The following SHMT1 variants were observed in gnomAD, a reference collection of about 807,000 sequenced individuals.
SHMT1 encodes the protein serine hydroxymethyltransferase 1, also known as serine hydroxymethyltransferase, cytosolic.
Under a neutral mutation model 49.0 loss-of-function variants are expected in SHMT1, and 45 were observed. The observed-to-expected ratio is 0.92, with a 90% CI of 0.72 to 1.18. The LOEUF is 1.18. SHMT1 is among the 50% of genes most tolerant of loss of function. The pLI is 0.00. For synonymous variants in SHMT1, 232 were observed against 246.6 expected (o/e 0.94, Z 0.55); for missense variants, 541 against 612.4 (o/e 0.88, Z 1.23).
intron 1 of SHMT1, among the ~76,000 whole-genome samples, chr17:18,360,040 G>C (rs1986613947): frequency 6.6e-6 from 1 of 152,098 alleles, no homozygotes; most frequent in Non-Finnish European, 1.5e-5. Context: ...CTGAGGTCAG[G>C]AGTTCGAGAC....
At chr17:18,347,394 A>G in intron 5 of SHMT1, 102 bp downstream of exon 5, 1 of 1,300,666 alleles carries the variant, frequency 7.7e-7, no homozygotes, top group Non-Finnish European at 1.1e-6. Flanking sequence ...CGAGGTGGGG[A>G]CTTCCTGTAG....
chr17:18,358,157 A>G (rs1986426974), intron 1 of SHMT1, among the ~76,000 whole-genome samples: 1 of 149,022 alleles, frequency 6.7e-6, no homozygotes, highest in Non-Finnish European at 1.5e-5. Flanking sequence ...TCTTAAAAAA[A>G]AAAAAAAAAG....
chr17:18,357,279 CAAAAAAAAAAA>C (rs10560620), intron 1 of SHMT1, among the ~76,000 whole-genome samples: 4 of 89,512 alleles, frequency 4.5e-5, no homozygotes, highest in East Asian at 6.3e-4. Context: ...GACTCCACCT[CAAAAAAAAAAA>C]AAAAAAAAAA....
rs779446057 is a variant in SHMT1, at chr17:18,333,193, T to A, written c.1027A>T (p.Thr343Ser). 6.2e-7 allele frequency: 1 copy of A among 1,614,106 alleles called. No homozygotes were observed. The highest frequency in any genetic ancestry group is 1.7e-5 in the Admixed American group (1 of 60,028). ...ANCRALSEAL[T>S]ELGYKIVTGG... Reference sequence around the variant, plus strand: ...GTGACTATTTTGTAGCCCAGCTCCGTCAGGGCCTCAGACAGAGCCCTGCAG... The same window carrying A: ...GTGACTATTTTGTAGCCCAGCTCCGACAGGGCCTCAGACAGAGCCCTGCAG... Residue 343 changes from threonine (T) to serine (S), a missense_variant, in exon 9 of 12, where the codon ACG becomes TCG. Transcript: ENST00000316694.
At position 18,328,823 on chromosome 17, in the gene SHMT1, G is replaced by A. The variant is rs2151559349; in HGVS notation, c.1379C>T (p.Ala460Val). 1 of 1,613,046 alleles carries A rather than the reference G, an allele frequency of 6.2e-7. No homozygotes were observed. The highest frequency in any genetic ancestry group is 1.1e-5 in the South Asian group (1 of 90,898). ...ERLAGDKYQA[A>V]VQALREEVES... ...AACCTCCTCCCGGAGAGCCTGCACG[G>A]CCGCCTGGTACTTATCCCCTGCCAG... Residue 460 changes from alanine (A) to valine (V), a missense_variant, in exon 12 of 12, where the codon GCC becomes GTC. By Grantham distance (64) the Ala-to-Val change is moderately conservative. Transcript: ENST00000316694.
intron 10 of SHMT1, among the ~76,000 whole-genome samples, chr17:18,330,001 G>A (rs560661604): frequency 1.8e-4 from 28 of 151,552 alleles, no homozygotes; most frequent in African/African-American, 4.8e-4. Flanking sequence ...AGCTGGGACC[G>A]TGGTGTGTGC....
rs1182253824 is a variant in SHMT1, at chr17:18,328,442, A to C, written c.*308T>G. ...AATCTTTCTAACAGCTTTGCCCTAC[A>C]CCACCATCTAAATGATTATGACCAA... On this transcript the variant is annotated 3_prime_UTR_variant, in exon 12 of 12. Coordinates refer to ENST00000316694, the MANE Select transcript of SHMT1 (RefSeq NM_004169.5). 2.5e-6 allele frequency: 1 copy of C among 405,620 alleles called. No homozygotes were observed. The highest frequency in any genetic ancestry group is 2.0e-5 in the African/African-American group (1 of 48,872). 25.1% of individuals were successfully genotyped at this position (405,620 alleles called of 1,614,324 possible).
Position 18,339,049 on chromosome 17 carries a change from T to TAAAAAAAA in SHMT1, c.814+986_814+993dup, listed in dbSNP as rs34704448. 1.5e-4 allele frequency among the ~76,000 whole-genome samples: 4 copies of TAAAAAAAA among 26,872 alleles called. 1 individual carries two copies. The highest frequency in any genetic ancestry group is 3.5e-4 in the African/African-American group (2 of 5,634). The allele number at this position is 26,872 out of a possible 152,430, so 17.6% of individuals were successfully genotyped here. A position where few individuals can be genotyped will look rare whatever the true frequency, so the allele number is the denominator to read the frequency against. On this transcript the variant is annotated intron_variant, in intron 7 of 11. Coordinates refer to ENST00000316694, the MANE Select transcript of SHMT1 (RefSeq NM_004169.5). ...ACACCCAAGAATGATCAATAAATAC[T>TAAAAAAAA]AAAAAAAAAAAAAAAAAAAAAAAAA... is the stretch of plus-strand genomic sequence containing the variant.
intron 2 of SHMT1, among the ~76,000 whole-genome samples, chr17:18,354,215 C>T (rs1265102861): frequency 1.3e-5 from 2 of 151,982 alleles, no homozygotes; most frequent in South Asian, 4.2e-4. Flanking sequence ...GTCGGGGGTT[C>T]GAGACCAGCC....
chr17:18,343,492 T>TA (rs1172014983), intron 5 of SHMT1, among the ~76,000 whole-genome samples: 1 of 148,202 alleles, frequency 6.7e-6, no homozygotes, highest in Non-Finnish European at 1.5e-5. Context: ...CCTGCAGTCC[T>TA]AGCGATTCAG....
At chr17:18,357,886 CAG>C (rs1197569978) in intron 1 of SHMT1, among the ~76,000 whole-genome samples, 1 of 125,246 alleles carries the variant, frequency 8.0e-6, no homozygotes, top group Non-Finnish European at 1.6e-5. Context: ...TTTTTTGAGA[CAG>C]AGTCTCACTC....
At position 18,354,398 on chromosome 17, in the gene SHMT1, G is replaced by A. The variant is rs367705043; in HGVS notation, c.97-581C>T. On this transcript the variant is annotated intron_variant, in intron 2 of 11. Transcript: ENST00000316694. ...CACGCCATTGCACTCCAGCCTGGGC[G>A]ACAAGAACAAAACTCTGTCTCAAAA... Among the ~76,000 whole-genome samples, 37 of 150,366 alleles carry A rather than the reference G, an allele frequency of 2.5e-4. 2 individuals are homozygous for A. Among genetic ancestry groups the A allele is most frequent in the Admixed American group, 1.5e-3 (22 of 15,082 alleles).
Position 18,335,626 on chromosome 17 carries a change from C to T in SHMT1, c.864G>A (p.Leu288=), listed in dbSNP as rs748237754. The part of the protein sequence containing the change: ...PKTGKEILYN[L]ESLINSAVFP... ...ACACAGCAGAATTGATAAGAGACTC[C>T]AGGTTGTACAGAATCTCTTTGCCAG... Residue 288 remains leucine (L), a synonymous_variant, in exon 8 of 12, where the codon CTG becomes CTA. Transcript: ENST00000316694. 5.0e-6 allele frequency: 8 copies of T among 1,614,026 alleles called. No homozygotes were observed. Among genetic ancestry groups the T allele is most frequent in the Admixed American group, 1.7e-5 (1 of 60,000 alleles).
chr17:18,337,865 C>A (rs1432581798), intron 7 of SHMT1, among the ~76,000 whole-genome samples: 4 of 152,348 alleles, frequency 2.6e-5, no homozygotes, highest in Admixed American at 6.5e-5. Context: ...GAGTCTCGTT[C>A]ACTCAGTGCT....
chr17:18,361,285 C>A (rs1157470313), intron 1 of SHMT1, among the ~76,000 whole-genome samples: 1 of 118,334 alleles, frequency 8.5e-6, no homozygotes, highest in Non-Finnish European at 1.7e-5. Context: ...GACAACAGAG[C>A]AAGACTCTGT....
rs1487558951 is a variant in SHMT1 at position 18,329,356 on chromosome 17, G to A, written c.1204C>T (p.Arg402Trp). ...GACGTCAGTGCTGGGGTCCCCAGCC[G>A]CAGTCCACTGGGCCGCAGAGCGCTT... ...DRSALRPSGLRLGTPALTSRG... is the reference protein window; with the variant it reads ...DRSALRPSGLWLGTPALTSRG... Residue 402 changes from arginine (R) to tryptophan (W), a missense_variant, in exon 11 of 12, where the codon CGG (arginine) becomes TGG (tryptophan). By Grantham distance (101) the Arg-to-Trp change is moderately radical (BLOSUM62 -3). Coordinates refer to ENST00000316694, the MANE Select transcript of SHMT1 (RefSeq NM_004169.5). The A allele has an allele frequency of 9.3e-6, 15 of 1,612,654 alleles. No homozygotes were observed. Among genetic ancestry groups the A allele is most frequent in the African/African-American group, 6.7e-5 (5 of 74,862 alleles).
rs1481244600 is a variant in SHMT1 at position 18,335,577 on chromosome 17, G to T, written c.913C>A (p.His305Asn). The T allele has an allele frequency of 6.2e-7, 1 of 1,612,086 alleles. No individual in the cohort carries two copies. The highest frequency in any genetic ancestry group is 8.5e-7 in the Non-Finnish European group (1 of 1,178,706). ...GTTTTACCAGCAATGGCGTGGTTGT[G>T]GGGACCTCCCTGCAGGCCAGGGAAC... ...AVFPGLQGGP[H>N]NHAIAGVAVA... is the part of the protein sequence containing the mutation. Residue 305 changes from histidine to asparagine, a missense_variant, in exon 8 of 12, where the codon CAC becomes AAC. Physicochemically the swap from His to Asn is moderately conservative, Grantham distance 68. Transcript: ENST00000316694.
At chr17:18,343,835 G>A (rs1365511454) in intron 5 of SHMT1, among the ~76,000 whole-genome samples, 4 of 148,974 alleles carry the variant, frequency 2.7e-5, no homozygotes, top group Non-Finnish European at 5.9e-5. Context: ...AGGAAAGATC[G>A]CTTGAGCCCA....
chr17:18,351,167 G>A (rs1354037333), intron 3 of SHMT1, among the ~76,000 whole-genome samples: 1 of 151,126 alleles, frequency 6.6e-6, no homozygotes, highest in South Asian at 2.1e-4. Flanking sequence ...TTTTGAGACG[G>A]AATCTCACTG....
Sources: gnomAD v4.1 joint callset for allele counts (sites outside exome capture counted in the v4.1 genomes callset) on GRCh38, gnomAD v4.1.1 for gene constraint, MANE v1.5 for transcripts, NCBI Gene and HGNC (gene_info 2026-07-23, HGNC 2026-07-21) for gene names.